The following PARP8 variants were observed in gnomAD, a reference collection of about 807,000 sequenced individuals.
PARP8 encodes protein mono-ADP-ribosyltransferase PARP8.
A neutral mutation model predicts 124.1 loss-of-function variants in PARP8; 51 were observed. The ratio of observed to expected loss-of-function variants is 0.41; its 90% CI spans 0.33 to 0.52. The LOEUF (loss-of-function observed/expected upper bound fraction) is 0.52, where lower values mean the gene tolerates loss of function less well. PARP8 is among the 20% of genes least tolerant of loss of function. PARP8 has a pLI of 0.21. For missense variants in PARP8, 860 were observed against 1,018.9 expected, an observed-to-expected ratio of 0.84 and a Z score of 2.12; for synonymous variants, 391 against 361.5, an observed-to-expected ratio of 1.08 and a Z score of -0.93.
chr5:50,824,811 AC>A, intron 17 of PARP8, 96 bp from the exon 18 acceptor site: 1 of 887,468 alleles, frequency 1.1e-6, no homozygotes. Flanking sequence ...TTTAAGTCTT[AC>A]TAGATTAGGC....
chr5:50,739,482 T>C (rs1757806706), intron 2 of PARP8, among the ~76,000 whole-genome samples: 1 of 152,010 alleles, frequency 6.6e-6, no homozygotes, highest in Non-Finnish European at 1.5e-5. Context: ...TTCATCTTCC[T>C]TGTAATCCTC....
chr5:50,737,735 A>T (rs1386939241), intron 2 of PARP8, among the ~76,000 whole-genome samples: 1 of 152,188 alleles, frequency 6.6e-6, no homozygotes, highest in Non-Finnish European at 1.5e-5. Context: ...ACATACATTC[A>T]AAATTGGCAT....
intron 2 of PARP8, chr5:50,744,589 CT>C: frequency 1.9e-6 from 1 of 514,068 alleles, no homozygotes; most frequent in Non-Finnish European, 3.5e-6. Flanking sequence ...AAAGTTGTGA[CT>C]TTAAGAACCA....
intron 7 of PARP8, among the ~76,000 whole-genome samples, chr5:50,766,778 G>A (rs191600417): frequency 2.4e-3 from 360 of 152,134 alleles, no homozygotes; most frequent in African/African-American, 7.9e-3. Flanking sequence ...TTTGGGAAAC[G>A]AGCATTCTGA....
chr5:50,667,992 G>T, intron 1 of PARP8, 79 bp from the exon 2 acceptor site: 1 of 1,604,788 alleles, frequency 6.2e-7, no homozygotes. Context: ...TGACACCACC[G>T]AATGTGGGGC....
intron 9 of PARP8, among the ~76,000 whole-genome samples, chr5:50,779,212 T>C (rs772996117): frequency 6.6e-5 from 10 of 151,724 alleles, no homozygotes; most frequent in Non-Finnish European, 1.0e-4. Context: ...CACACATGCA[T>C]GCACACACAC....
intron 2 of PARP8, among the ~76,000 whole-genome samples, chr5:50,726,949 G>A (rs996348890): frequency 7.9e-5 from 12 of 152,134 alleles, no homozygotes; most frequent in African/African-American, 2.7e-4. Flanking sequence ...AGATTGTGTC[G>A]TTAGGAACTA....
intron 2 of PARP8, among the ~76,000 whole-genome samples, chr5:50,747,213 A>G (rs1459531698): frequency 8.1e-6 from 1 of 123,436 alleles, no homozygotes; most frequent in South Asian, 2.7e-4. Flanking sequence ...AGTACTGAGC[A>G]GCATGCCAGG....
intron 2 of PARP8, among the ~76,000 whole-genome samples, chr5:50,686,521 C>T (rs1751879583): frequency 6.6e-6 from 1 of 152,214 alleles, no homozygotes; most frequent in South Asian, 2.1e-4. Flanking sequence ...GCCCACTTCT[C>T]ACAACTCCAC....
chr5:50,722,347 T>G (rs557794019), intron 2 of PARP8, among the ~76,000 whole-genome samples: 41 of 152,194 alleles, frequency 2.7e-4, no homozygotes, highest in African/African-American at 9.4e-4. Context: ...TACTTCTATG[T>G]GTTTACTAAT....
intron 3 of PARP8, among the ~76,000 whole-genome samples, chr5:50,756,112 C>T (rs1196887743): frequency 6.6e-6 from 1 of 152,096 alleles, no homozygotes; most frequent in Non-Finnish European, 1.5e-5. Context: ...AAATATACAA[C>T]CATGTCATCT....
chr5:50,748,044 A>C (rs142017112), intron 2 of PARP8, among the ~76,000 whole-genome samples: 1 of 151,836 alleles, frequency 6.6e-6, no homozygotes, highest in African/African-American at 2.4e-5. Flanking sequence ...GAAGTTATTG[A>C]TATGATTAGA....
intron 2 of PARP8, among the ~76,000 whole-genome samples, chr5:50,728,037 T>A (rs2149513967): frequency 6.6e-6 from 1 of 152,322 alleles, no homozygotes; most frequent in Non-Finnish European, 1.5e-5. Flanking sequence ...GTTGAATGAA[T>A]GTGTGAGTTC....
intron 9 of PARP8, among the ~76,000 whole-genome samples, chr5:50,784,070 C>T (rs1320699313): frequency 6.6e-6 from 1 of 152,042 alleles, no homozygotes; most frequent in Non-Finnish European, 1.5e-5. Flanking sequence ...AGAGTGTTTG[C>T]AATGTGTCTT....
At chr5:50,784,420 A>T (rs1741011304) in intron 9 of PARP8, among the ~76,000 whole-genome samples, 1 of 152,146 alleles carries the variant, frequency 6.6e-6, no homozygotes, top group South Asian at 2.1e-4. Flanking sequence ...GGAATTACTG[A>T]TATAGAGATG....
intron 9 of PARP8, among the ~76,000 whole-genome samples, chr5:50,783,696 A>G (rs1397200815): frequency 1.3e-5 from 2 of 152,190 alleles, no homozygotes; most frequent in African/African-American, 4.8e-5. Flanking sequence ...ATGACAGTCA[A>G]CTTATGAAGA....
chr5:50,792,269 G>GT (rs1432962447), intron 10 of PARP8, among the ~76,000 whole-genome samples: 3 of 152,110 alleles, frequency 2.0e-5, no homozygotes, highest in African/African-American at 7.2e-5. Context: ...GGAGGTGGTT[G>GT]TTATACCAAA....
At chr5:50,680,112 A>G (rs1022481781) in intron 2 of PARP8, among the ~76,000 whole-genome samples, 5 of 152,152 alleles carry the variant, frequency 3.3e-5, no homozygotes, top group Non-Finnish European at 7.4e-5. Context: ...AAACTGTCAT[A>G]AATGGAAAGC....
At chr5:50,804,518 T>C (rs1181436412) in intron 14 of PARP8, among the ~76,000 whole-genome samples, 1 of 152,198 alleles carries the variant, frequency 6.6e-6, no homozygotes, top group South Asian at 2.1e-4. Flanking sequence ...ATGAAATCTG[T>C]CGCTTATATT....
Sources: allele counts gnomAD v4.1 joint callset (sites outside exome capture counted in the v4.1 genomes callset), GRCh38; gene constraint gnomAD v4.1.1; transcripts MANE v1.5; gene names NCBI Gene and HGNC (gene_info 2026-07-23, HGNC 2026-07-21).